RBL2: variants seen among roughly 807,000 people sequenced by gnomAD.
The protein encoded by RBL2 is RB transcriptional corepressor like 2.
Under a neutral mutation model 126.0 loss-of-function variants are expected in RBL2, and 56 were observed. That is an observed-to-expected ratio of 0.44 (90% CI 0.36 to 0.56). The LOEUF (loss-of-function observed/expected upper bound fraction) is 0.56. RBL2 is among the 20% of genes least tolerant of loss of function. The probability of loss-of-function intolerance (pLI) is 0.00; values close to 1 mark genes in which losing one functional copy is unlikely to be tolerated. For missense variants in RBL2, 1,229 were observed against 1,398.2 expected (o/e 0.88, Z 1.93); for synonymous variants, 454 against 478.5 (o/e 0.95, Z 0.67).
intron 1 of RBL2, among the ~76,000 whole-genome samples, chr16:53,437,213 G>A (rs921401649): frequency 5.3e-5 from 8 of 151,786 alleles, no homozygotes; most frequent in African/African-American, 1.9e-4. Flanking sequence ...GTAGAGAAAT[G>A]CAGTAGTTAT....
At chr16:53,474,243 A>C (rs1960634047) in intron 17 of RBL2, among the ~76,000 whole-genome samples, 1 of 152,142 alleles carries the variant, frequency 6.6e-6, no homozygotes, top group Non-Finnish European at 1.5e-5. Context: ...CTCATGCCTC[A>C]GCCTCCCAAT....
intron 4 of RBL2, chr16:53,449,378 A>G (rs1049769672): frequency 6.6e-6 from 1 of 152,032 alleles, no homozygotes; most frequent in African/African-American, 2.4e-5. Flanking sequence ...TTTTCTCTGT[A>G]ATTAACTCAG....
At chr16:53,463,423 T>A (rs1237941720) in intron 11 of RBL2, among the ~76,000 whole-genome samples, 1 of 151,936 alleles carries the variant, frequency 6.6e-6, no homozygotes, top group African/African-American at 2.4e-5. Context: ...GCCTCCCAGA[T>A]TCAAGTGATT....
At chr16:53,461,983 TTC>T (rs2058226057) in intron 10 of RBL2, 133 bp downstream of exon 10, 1 of 709,114 alleles carries the variant, frequency 1.4e-6, no homozygotes, top group African/African-American at 1.9e-5. Context: ...TGTCCAATTT[TTC>T]TGGTCAACCA....
At chr16:53,451,995 TG>T (rs146824919) in intron 5 of RBL2, among the ~76,000 whole-genome samples, 164 bp downstream of exon 5, 2,528 of 152,318 alleles carry the variant, frequency 0.017, 37 homozygotes, top group Non-Finnish European at 0.024. Flanking sequence ...AAAATATTTT[TG>T]GATAAACAGT....
rs181599167 is a variant in RBL2, at chr16:53,471,254, G to T, written c.2703+332G>T. 8.5e-4 allele frequency among the ~76,000 whole-genome samples: 130 copies of T among 152,194 alleles called. 1 individual carries two copies. The highest frequency in any genetic ancestry group is 3.3e-3 in the Admixed American group (50 of 15,284). On this transcript the variant is annotated intron_variant, in intron 17 of 21. Coordinates refer to ENST00000262133, the MANE Select transcript of RBL2 (RefSeq NM_005611.4). ...AGACATGTATTTTCATTTCTCTAGG[G>T]TATATACCTAGGAATGGGCTGCTGG...
chr16:53,434,587 C>A lies in RBL2; in HGVS notation c.31C>A (p.Pro11Thr). 1.1e-5 allele frequency: 17 copies of A among 1,540,272 alleles called. No individual in the cohort carries two copies. The highest frequency in any genetic ancestry group is 1.5e-5 in the Non-Finnish European group (17 of 1,152,280). MPSGGDQSPP[P>T]PPPPPAAAAS... ...GTCGGGAGGTGACCAGTCGCCACCG[C>A]CCCCGCCTCCCCCTCCGGCGGCGGC... Residue 11 changes from proline to threonine, a missense_variant, in exon 1 of 22, where the codon CCC becomes ACC. Transcript: ENST00000262133.
chr16:53,479,593 C>CT (rs2150823899), intron 18 of RBL2: 1 of 455,234 alleles, frequency 2.2e-6, no homozygotes, highest in African/African-American at 2.0e-5. Flanking sequence ...CCATTCATCT[C>CT]TGAGAGGCAA....
At position 53,470,446 on chromosome 16, in the gene RBL2, C is replaced by T; in HGVS notation, c.2309C>T (p.Ala770Val). 1 of 1,614,140 alleles carries T rather than the reference C, an allele frequency of 6.2e-7. No homozygotes were observed. Among genetic ancestry groups the T allele is most frequent in the Non-Finnish European group, 8.5e-7 (1 of 1,180,006 alleles). The change falls in exon 16 of 22, where the codon GCA becomes GTA. Residue 770 changes from alanine (A) to valine (V), a missense_variant. Ala to Val is a moderately conservative substitution (Grantham distance 64, BLOSUM62 0). Transcript: ENST00000262133. ...FPVQVNVGGQ[A>V]QAVTGSIQPL... ...GTCCAAGTCAATGTTGGGGGGCAGG[C>T]ACAAGCTGTGACAGGCTCCATCCAG...
intron 3 of RBL2, among the ~76,000 whole-genome samples, chr16:53,444,409 G>A (rs957918835): frequency 7.3e-5 from 11 of 151,156 alleles, no homozygotes; most frequent in Admixed American, 2.0e-4. Flanking sequence ...AAAAATTAGC[G>A]GGGTGTGGTG....
intron 11 of RBL2, among the ~76,000 whole-genome samples, chr16:53,463,477 G>A (rs957631187): frequency 6.6e-6 from 1 of 151,658 alleles, no homozygotes; most frequent in African/African-American, 2.4e-5. Context: ...CTGGACCTCA[G>A]GTGATCTGCC....
chr16:53,461,847 A>G lies in RBL2; in HGVS notation c.1453A>G (p.Lys485Glu). The G allele has an allele frequency of 6.2e-7, 1 of 1,606,296 alleles. No individual in the cohort carries two copies. The highest frequency in any genetic ancestry group is 2.2e-5 in the East Asian group (1 of 44,690). Reference protein sequence around the residue: ...QPDEDFSNCAKEIASKHFRFA... With the variant: ...QPDEDFSNCAEEIASKHFRFA... The stretch of plus-strand genomic sequence containing the variant: ...AGACGAGGATTTCAGTAATTGTGCT[A>G]AAGGTAAGGTTTAACATTGTTATTC... Residue 485 changes from lysine to glutamate, a missense_variant, in exon 10 of 22, where the codon AAA (lysine) becomes GAA (glutamate). This residue lies in a region of RBL2 where 1,070 missense variants were observed against 1,274.3 expected (regional missense o/e 0.84). Transcript: ENST00000262133.
intron 9 of RBL2, 122 bp downstream of exon 9, chr16:53,459,739 T>G: frequency 1.0e-6 from 1 of 956,674 alleles, no homozygotes; most frequent in Non-Finnish European, 1.5e-6. Context: ...GTATACTCAG[T>G]CCTGTTGTGA....
chr16:53,450,272 T>C (rs1373179379), intron 4 of RBL2, among the ~76,000 whole-genome samples: 3 of 152,150 alleles, frequency 2.0e-5, no homozygotes. Flanking sequence ...AAGAATTGCT[T>C]TGTATACGCT....
intron 7 of RBL2, 135 bp downstream of exon 7, chr16:53,453,904 C>G (rs922020927): frequency 1.4e-6 from 1 of 734,728 alleles, no homozygotes; most frequent in African/African-American, 1.8e-5. Context: ...AGCAAAAATT[C>G]TGTCACCTAA....
chr16:53,464,487 C>G, intron 12 of RBL2, 124 bp downstream of exon 12: 2 of 840,300 alleles, frequency 2.4e-6, no homozygotes, highest in Non-Finnish European at 3.5e-6. Flanking sequence ...TAGTTAATCT[C>G]TATTTGTGGA....
At position 53,481,737 on chromosome 16, in the gene RBL2, T is replaced by A. The variant is rs763255681; in HGVS notation, c.3151T>A (p.Ser1051Thr). 8 of 1,606,118 alleles carry A rather than the reference T, an allele frequency of 5.0e-6. No homozygotes were observed. The South Asian group carries it at 8.8e-5, about 18-fold the overall frequency. The change falls in exon 21 of 22, where the codon TCT (serine) becomes ACT (threonine). Residue 1051 changes from serine (S) to threonine (T), a missense_variant. Ser to Thr is a moderately conservative substitution (Grantham distance 58). Around this residue, in one of 2 missense-constraint regions of RBL2, gnomAD observed 1,070 missense variants for 1,274.3 expected, o/e 0.84. Transcript: ENST00000262133. Reference protein sequence around the residue: ...RTGSPRRIQLSQNHPVYISPH... With the variant: ...RTGSPRRIQLTQNHPVYISPH... ...AGGCTCCCCTCGCCGAATACAGTTG[T>A]CTCAAAATCATCCTGTCTACATTTC...
At chr16:53,486,139 A>T (rs1365299453) in intron 21 of RBL2, among the ~76,000 whole-genome samples, 2 of 150,492 alleles carry the variant, frequency 1.3e-5, no homozygotes, top group Non-Finnish European at 3.0e-5. Context: ...AAAAAAAAAA[A>T]AAAAAAGCCA....
rs761273111 is a variant in RBL2, at chr16:53,470,834, T to G, written c.2615T>G (p.Phe872Cys). Reference sequence around the variant, plus strand: ...TTGAGGAAAAAAATCTGGACCTGCTTTGAATTCTCCATAATTCAGTGTCCT... The same window carrying G: ...TTGAGGAAAAAAATCTGGACCTGCTGTGAATTCTCCATAATTCAGTGTCCT... ...DELRKKIWTCFEFSIIQCPEL... is the reference protein window; with the variant it reads ...DELRKKIWTCCEFSIIQCPEL... Residue 872 changes from phenylalanine to cysteine, a missense_variant, in exon 17 of 22, where the codon TTT becomes TGT. Around this residue, in one of 2 missense-constraint regions of RBL2, gnomAD observed 1,070 missense variants for 1,274.3 expected, o/e 0.84. Coordinates refer to ENST00000262133, the MANE Select transcript of RBL2 (RefSeq NM_005611.4). 1 of 1,613,966 alleles carries G rather than the reference T, an allele frequency of 6.2e-7. No individual in the cohort carries two copies. Among genetic ancestry groups the G allele is most frequent in the African/African-American group, 1.3e-5 (1 of 74,940 alleles).
Sources: gnomAD v4.1 joint callset for allele counts (sites outside exome capture counted in the v4.1 genomes callset) on GRCh38, gnomAD v4.1.1 for gene constraint, gnomAD v4.1.1 regional missense constraint, MANE v1.5 for transcripts, NCBI Gene and HGNC (gene_info 2026-07-23, HGNC 2026-07-21) for gene names.